The following PZP variants were observed in gnomAD, a reference collection of about 807,000 sequenced individuals.
PZP encodes PZP alpha-2-macroglobulin like, also known as pregnancy zone protein.
Under a neutral mutation model 179.8 loss-of-function variants are expected in PZP, and 150 were observed. The observed-to-expected ratio is 0.83, with a 90% confidence interval of 0.73 to 0.96. PZP has a LOEUF of 0.96. Ranked by LOEUF, PZP falls within the 40% of genes least tolerant of loss-of-function variation. The pLI, the probability that PZP is intolerant of heterozygous loss-of-function variation, is 0.00. For missense variants in PZP, 1,689 were observed against 1,764.0 expected (o/e 0.96, Z 0.76); for synonymous variants, 624 against 652.3 (o/e 0.96, Z 0.66).
chr12:9,179,471 A>G (rs1942616749), intron 15 of PZP, among the ~76,000 whole-genome samples: 1 of 152,222 alleles, frequency 6.6e-6, no homozygotes, highest in African/African-American at 2.4e-5. Context: ...AACTATAGTC[A>G]AAAGCAGATA....
intron 20 of PZP, among the ~76,000 whole-genome samples, 169 bp downstream of exon 20, chr12:9,163,964 A>G (rs1421386521): frequency 6.6e-6 from 1 of 152,212 alleles, no homozygotes; most frequent in Admixed American, 6.5e-5. Context: ...TCTGGGGACT[A>G]GCTTGGGTGA....
Position 9,169,596 on chromosome 12 carries a change from A to G in PZP, c.1840-5T>C, listed in dbSNP as rs1941840161. On this transcript the variant is annotated splice_region_variant and splice_polypyrimidine_tract_variant and intron_variant, in intron 15 of 35. Coordinates refer to ENST00000261336, the MANE Select transcript of PZP (RefSeq NM_002864.3). ...CACAGTTAGCAGATTATATACCTGT[A>G]GCAGTGGGGGGATCAAAGGCAGAAC... The G allele has an allele frequency of 6.3e-7, 1 of 1,589,898 alleles. No individual in the cohort carries two copies. Among genetic ancestry groups the G allele is most frequent in the Non-Finnish European group, 8.5e-7 (1 of 1,171,322 alleles).
At chr12:9,158,310 A>G (rs1565626834) in intron 26 of PZP, 110 bp downstream of exon 26, 3 of 1,439,988 alleles carry the variant, frequency 2.1e-6, no homozygotes, top group Non-Finnish European at 2.9e-6. Context: ...GCCATCCCAC[A>G]TCATCCAGGA....
chr12:9,194,367 T>C, intron 10 of PZP, 129 bp from the exon 11 acceptor site: 2 of 734,616 alleles, frequency 2.7e-6, no homozygotes, highest in Non-Finnish European at 2.2e-6. Context: ...CACCAAACCT[T>C]CATATTTACG....
At chr12:9,194,744 G>T (rs770999093) in intron 10 of PZP, among the ~76,000 whole-genome samples, 2 of 152,092 alleles carry the variant, frequency 1.3e-5, no homozygotes, top group Non-Finnish European at 2.9e-5. Context: ...GATTACAGGC[G>T]TGAGCCACCG....
At chr12:9,156,820 T>C (rs950426196) in intron 28 of PZP, among the ~76,000 whole-genome samples, 6 of 152,218 alleles carry the variant, frequency 3.9e-5, no homozygotes, top group Non-Finnish European at 8.8e-5. Flanking sequence ...TTTTGTAGAA[T>C]CAGTGTAAAT....
chr12:9,187,757 C>G (rs780600226), intron 13 of PZP, among the ~76,000 whole-genome samples: 15 of 152,212 alleles, frequency 9.9e-5, no homozygotes, highest in Admixed American at 7.8e-4. Flanking sequence ...CCTCACATCA[C>G]AACTGAAAGA....
chr12:9,196,297 C>A, intron 10 of PZP, 33 bp downstream of exon 10: 2 of 1,483,438 alleles, frequency 1.3e-6, no homozygotes, highest in South Asian at 2.3e-5. Context: ...CAACTGGATA[C>A]TTTGCTTACC....
At chr12:9,179,608 A>G (rs925103408) in intron 15 of PZP, among the ~76,000 whole-genome samples, 4 of 152,162 alleles carry the variant, frequency 2.6e-5, no homozygotes, top group Admixed American at 1.3e-4. Context: ...TACAGACATA[A>G]ATAGTTCGAT....
intron 15 of PZP, among the ~76,000 whole-genome samples, chr12:9,173,023 C>T (rs572706860): frequency 1.3e-4 from 20 of 152,232 alleles, no homozygotes; most frequent in Non-Finnish European, 4.4e-5. Flanking sequence ...ACAGAATATA[C>T]ATTCTTCTCA....
chr12:9,187,416 G>C (rs1021642970), intron 13 of PZP, among the ~76,000 whole-genome samples: 1 of 152,062 alleles, frequency 6.6e-6, no homozygotes, highest in Non-Finnish European at 1.5e-5. Flanking sequence ...CTCTAAAACC[G>C]ATCACACAAT....
the PZP span, among the ~76,000 whole-genome samples, chr12:9,142,743 A>T: frequency 6.6e-6 from 1 of 152,230 alleles, no homozygotes. Context: ...GAACAGGGCT[A>T]GGAAAATAAT....
rs1405470834 is a variant in PZP, at chr12:9,164,036, T to A, written c.2614+97A>T. 4 of 1,437,772 alleles carry A rather than the reference T, an allele frequency of 2.8e-6. No individual in the cohort carries two copies. In the Admixed American group the frequency reaches 8.4e-5, roughly 30 times the overall value. The allele number at this position is 1,437,772 out of a possible 1,614,324, so 89.1% of individuals were successfully genotyped here. ...AAAAAAAACTAACTTTATAGAATTATATCTATGGCAAATAAAAGAGAGAAT... is the reference window on the plus strand; with the variant it reads ...AAAAAAAACTAACTTTATAGAATTAAATCTATGGCAAATAAAAGAGAGAAT... On this transcript the variant is annotated intron_variant, in intron 20 of 35. Transcript: ENST00000261336.
In PZP at chr12:9,158,515, C is replaced by G; in HGVS notation, c.3199G>C (p.Ala1067Pro). ...CACGTGAGAGATTGGGTAATGTGTG[C>G]TTCATCAATGAAGATGTAGGATCGA... The part of the protein sequence containing the change: ...QARSYIFIDE[A>P]HITQSLTWLS... Residue 1067 changes from alanine (A) to proline (P), a missense_variant, in exon 26 of 36, where the codon GCA becomes CCA. By Grantham distance (27) the Ala-to-Pro change is conservative. Transcript: ENST00000261336. 6.2e-7 allele frequency: 1 copy of G among 1,614,132 alleles called. No homozygotes were observed. The highest frequency in any genetic ancestry group is 1.1e-5 in the South Asian group (1 of 91,084).
At chr12:9,160,840 A>G (rs6487641) in intron 23 of PZP, among the ~76,000 whole-genome samples, 193 bp downstream of exon 23, 148,720 of 151,648 alleles carry the variant, frequency 0.98, 73,004 homozygotes, top group Middle Eastern at 1. Flanking sequence ...GCGTGAACCC[A>G]GGAGGCGGAG....
rs1178685795 is a variant in PZP at position 9,148,981 on chromosome 12, T to G, written c.4440A>C (p.Gly1480=). The G allele has an allele frequency of 6.2e-7, 1 of 1,611,352 alleles. No individual in the cohort carries two copies. The highest frequency in any genetic ancestry group is 1.1e-5 in the South Asian group (1 of 91,000). The change falls in exon 36 of 36, where the codon GGA becomes GGC. Residue 1480 remains glycine (G), a synonymous_variant. Coordinates refer to ENST00000261336, the MANE Select transcript of PZP (RefSeq NM_002864.3). The stretch of plus-strand genomic sequence containing the variant: ...ACAGCCTGTATGGTCCTCAAACATT[T>G]CCATGCTCTGTATCTATGGAGAAAA... The part of the protein sequence containing the change: ...IAPCSTDTEH[G]NV
intron 13 of PZP, among the ~76,000 whole-genome samples, chr12:9,190,388 A>T (rs1943391049): frequency 6.6e-6 from 1 of 152,208 alleles, no homozygotes; most frequent in African/African-American, 2.4e-5. Context: ...TAGCAAAATA[A>T]TGTAGGAACA....
chr12:9,181,982 G>A lies in PZP; in HGVS notation c.1682C>T (p.Ala561Val). Residue 561 changes from alanine to valine, a missense_variant, in exon 14 of 36, where the codon GCC (alanine) becomes GTC (valine). By Grantham distance (64) the Ala-to-Val change is moderately conservative. Coordinates refer to ENST00000261336, the MANE Select transcript of PZP (RefSeq NM_002864.3). ...TTATGTTAAATCGCTCACCTTGTTG[G>A]CTAGACAGTTTTCAATCTCAAATTT... ...SEKFEIENCL[A>V]NKVDLSFSPA... The A allele has an allele frequency of 6.2e-7, 1 of 1,613,304 alleles. No individual in the cohort carries two copies. Among genetic ancestry groups the A allele is most frequent in the Non-Finnish European group, 8.5e-7 (1 of 1,179,586 alleles).
chr12:9,188,503 G>T (rs1421789420), intron 13 of PZP, among the ~76,000 whole-genome samples: 1 of 152,164 alleles, frequency 6.6e-6, no homozygotes, highest in Non-Finnish European at 1.5e-5. Flanking sequence ...ATTGAACACA[G>T]TATTGGAAGT....
Sources: gnomAD v4.1 joint callset for allele counts (sites outside exome capture counted in the v4.1 genomes callset) on GRCh38, gnomAD v4.1.1 for gene constraint, MANE v1.5 for transcripts, NCBI Gene and HGNC (gene_info 2026-07-23, HGNC 2026-07-21) for gene names.